Variants in LANCL3 observed in about 807,000 individuals in gnomAD.
The protein encoded by LANCL3 is lanC-like protein 3.
A neutral mutation model predicts 26.5 loss-of-function variants in LANCL3; 19 were observed. That is an observed-to-expected ratio of 0.72 (90% CI 0.50 to 1.05). The LOEUF (loss-of-function observed/expected upper bound fraction) is 1.05. Ranked by LOEUF, LANCL3 falls within the 50% of genes least tolerant of loss-of-function variation. The probability of loss-of-function intolerance (pLI) is 0.00; values close to 1 mark genes in which losing one functional copy is unlikely to be tolerated. For missense variants in LANCL3, 318 were observed against 362.7 expected (o/e 0.88, Z 1.00); for synonymous variants, 160 against 166.6 (o/e 0.96, Z 0.30).
intron 1 of LANCL3, among the ~76,000 whole-genome samples, chrX:37,600,737 A>G (rs2086591303): frequency 8.9e-6 from 1 of 111,888 alleles, no homozygotes; most frequent in African/African-American, 3.3e-5. Flanking sequence ...GGGGGCTGGG[A>G]TGGGGCCTGA....
chrX:37,656,365 AAACTT>A (rs1417066518), intron 2 of LANCL3, among the ~76,000 whole-genome samples: 18 of 111,269 alleles, frequency 1.6e-4, no homozygotes, highest in African/African-American at 5.9e-4. Context: ...CTCTAGACTC[AAACTT>A]TATCTTTACC....
intron 3 of LANCL3, among the ~76,000 whole-genome samples, chrX:37,663,757 C>G (rs1449145350): frequency 1.8e-5 from 2 of 111,180 alleles, no homozygotes; most frequent in Non-Finnish European, 3.8e-5. Flanking sequence ...AGAGCAGGGT[C>G]TTCCCACCCA....
At chrX:37,656,964 A>G (rs6651743) in intron 2 of LANCL3, among the ~76,000 whole-genome samples, 37,293 of 112,047 alleles carry the variant, frequency 0.33, 6,867 homozygotes, top group African/African-American at 0.73. Context: ...GTTGATAGAG[A>G]TGTGGAGAAA....
chrX:37,606,204 C>T (rs2146731237), intron 1 of LANCL3, among the ~76,000 whole-genome samples: 1 of 111,876 alleles, frequency 8.9e-6, no homozygotes, highest in South Asian at 3.8e-4. Context: ...TGTTGTCTAC[C>T]AGAGCATTCT....
chrX:37,649,199 C>A (rs1424565280), intron 1 of LANCL3, among the ~76,000 whole-genome samples: 1 of 112,106 alleles, frequency 8.9e-6, no homozygotes, highest in Non-Finnish European at 1.9e-5. Flanking sequence ...GTCATGGAAA[C>A]AACCCAAATG....
In LANCL3 at chrX:37,659,628, T is replaced by C; in HGVS notation, c.864T>C (p.Asn288=). 2 of 1,209,745 alleles carry C rather than the reference T, an allele frequency of 1.7e-6. No individual in the cohort carries two copies. Among genetic ancestry groups the C allele is most frequent in the Non-Finnish European group, 2.2e-6 (2 of 894,652 alleles). Residue 288 remains asparagine, a synonymous_variant, in exon 3 of 5, where the codon AAT becomes AAC. Transcript: ENST00000378619. ...TCGGCGAGACCATCGAGAGAGAGAA[T>C]GAGCTGGTGCACTGGTGCCATGGCG... ...PELGETIERE[N]ELVHWCHGAP...
chrX:37,657,747 T>A (rs1290661362), intron 2 of LANCL3, among the ~76,000 whole-genome samples: 6 of 110,695 alleles, frequency 5.4e-5, no homozygotes, highest in Non-Finnish European at 9.4e-5. Flanking sequence ...AAAAGCAAGC[T>A]TTTTTTCCCA....
intron 1 of LANCL3, 95 bp downstream of exon 1, chrX:37,572,538 T>C (rs1556415876): frequency 2.7e-6 from 2 of 734,421 alleles, no homozygotes; most frequent in African/African-American, 4.2e-5. Context: ...CCCGAGTTGC[T>C]CTCCAAGTCT....
chrX:37,584,775 G>GT (rs1477945370), intron 1 of LANCL3, among the ~76,000 whole-genome samples: 1 of 111,446 alleles, frequency 9.0e-6, no homozygotes, highest in Non-Finnish European at 1.9e-5. Flanking sequence ...TTTTTGAAGG[G>GT]TTTTTTGTTT....
At position 37,678,863 on chromosome X, in the gene LANCL3, C is replaced by T. The variant is rs1926871378; in HGVS notation, c.*3050C>T. On this transcript the variant is annotated 3_prime_UTR_variant, in exon 5 of 5. Transcript: ENST00000378619. ...TAAATTGCATCTCTTCCAGTGGCAG[C>T]TTATTTCTTTAACTTTTTTGACATA... 8.9e-6 allele frequency: 1 copy of T among 111,992 alleles called. No homozygotes were observed. The highest frequency in any genetic ancestry group is 1.9e-5 in the Non-Finnish European group (1 of 53,143). 9.2% of individuals were successfully genotyped at this position (111,992 alleles called of 1,213,427 possible). A position where few individuals can be genotyped will look rare whatever the true frequency, so the allele number is the denominator to read the frequency against.
At chrX:37,618,795 C>T (rs1925077083) in intron 1 of LANCL3, among the ~76,000 whole-genome samples, 1 of 111,930 alleles carries the variant, frequency 8.9e-6, no homozygotes, top group Non-Finnish European at 1.9e-5. Context: ...CATCTGTTTT[C>T]GAATAAAGTT....
chrX:37,653,749 T>G (rs1274278524), intron 1 of LANCL3, among the ~76,000 whole-genome samples: 1 of 111,813 alleles, frequency 8.9e-6, no homozygotes, highest in Non-Finnish European at 1.9e-5. Flanking sequence ...AAATTTGCTA[T>G]TAAGCTAAGG....
chrX:37,655,897 C>T, intron 2 of LANCL3, 86 bp downstream of exon 2: 1 of 897,816 alleles, frequency 1.1e-6, no homozygotes, highest in Non-Finnish European at 1.6e-6. Context: ...TTTGTTTTTG[C>T]CATAGGTCAT....
At chrX:37,612,380 C>T (rs1556421288) in intron 1 of LANCL3, among the ~76,000 whole-genome samples, 1 of 111,553 alleles carries the variant, frequency 9.0e-6, no homozygotes, top group Non-Finnish European at 1.9e-5. Context: ...AACACCAGTG[C>T]TTCAAGCTGA....
rs1556415699 is a variant in LANCL3 at position 37,572,218 on chromosome X, C to T, written c.348C>T (p.Thr116=). The part of the protein sequence containing the change: ...AEEWGEPDAD[T]RAAFLLGGAG... ...AGTGGGGCGAACCGGACGCCGACAC[C>T]CGCGCCGCCTTCCTGCTCGGGGGCG... is the stretch of plus-strand genomic sequence containing the variant. Residue 116 remains threonine, a synonymous_variant, in exon 1 of 5, where the codon ACC becomes ACT. Transcript: ENST00000378619. 2.6e-6 allele frequency: 3 copies of T among 1,157,261 alleles called. No individual in the cohort carries two copies. Among genetic ancestry groups the T allele is most frequent in the Non-Finnish European group, 1.1e-6 (1 of 871,939 alleles).
In LANCL3 at chrX:37,597,192, A is replaced by G. The variant is rs139186920; in HGVS notation, c.573+24749A>G. 8.2e-3 allele frequency among the ~76,000 whole-genome samples: 916 copies of G among 112,277 alleles called. 5 individuals carry two copies. The highest frequency in any genetic ancestry group is 0.028 in the African/African-American group (866 of 30,917). ...CTCCATTCCTTTTTATTGCCAAATAATATTCCTTTGTATGAATGCATCATA... is the reference window on the plus strand; with the variant it reads ...CTCCATTCCTTTTTATTGCCAAATAGTATTCCTTTGTATGAATGCATCATA... On this transcript the variant is annotated intron_variant, in intron 1 of 4. Transcript: ENST00000378619.
intron 1 of LANCL3, among the ~76,000 whole-genome samples, chrX:37,643,946 T>C (rs1925929897): frequency 9.0e-6 from 1 of 111,583 alleles, no homozygotes; most frequent in South Asian, 3.8e-4. Context: ...TAGATCTTAT[T>C]ATCACTACTT....
intron 1 of LANCL3, among the ~76,000 whole-genome samples, chrX:37,649,522 C>G (rs782733025): frequency 9.0e-6 from 1 of 111,502 alleles, no homozygotes; most frequent in East Asian, 2.8e-4. Context: ...CCATGACACA[C>G]GTATACCTAT....
chrX:37,627,779 G>A (rs1471533243), intron 1 of LANCL3, among the ~76,000 whole-genome samples: 1 of 111,734 alleles, frequency 8.9e-6, no homozygotes, highest in Non-Finnish European at 1.9e-5. Flanking sequence ...CCCAGGGCCA[G>A]CTCCACCCAT....
Sources: gnomAD v4.1 joint callset for allele counts (sites outside exome capture counted in the v4.1 genomes callset) on GRCh38, gnomAD v4.1.1 for gene constraint, MANE v1.5 for transcripts, NCBI Gene and HGNC (gene_info 2026-07-23, HGNC 2026-07-21) for gene names.